Variants in HEXB observed in about 807,000 individuals in gnomAD.
The protein encoded by HEXB is hexosaminidase subunit beta.
HEXB carries 51 observed loss-of-function variants against 71.2 expected under a neutral mutation model. The observed-to-expected ratio is 0.72, with a 90% CI of 0.57 to 0.90. HEXB has a LOEUF of 0.90. Among genes scored for constraint, HEXB ranks in the 40% least tolerant of loss-of-function variants. The pLI, the probability that HEXB is intolerant of heterozygous loss-of-function variation, is 0.00. For synonymous variants in HEXB, 266 were observed against 249.3 expected, an observed-to-expected ratio of 1.07 and a Z score of -0.63; for missense variants, 617 against 677.0, an observed-to-expected ratio of 0.91 and a Z score of 0.98.
chr5:74,711,162 C>T (rs1411320490), intron 6 of HEXB, among the ~76,000 whole-genome samples: 5 of 151,052 alleles, frequency 3.3e-5, no homozygotes, highest in Admixed American at 6.6e-5. Flanking sequence ...TTTGACAAAC[C>T]TGAGAAAAAC....
At chr5:74,719,344 C>G (rs1236840170) in intron 11 of HEXB, among the ~76,000 whole-genome samples, 5 of 152,068 alleles carry the variant, frequency 3.3e-5, no homozygotes, top group African/African-American at 1.2e-4. Flanking sequence ...TGTAAGACAC[C>G]TAAGCAAAGC....
At chr5:74,662,387 C>A (rs899089669) in intron 1 of HEXB, among the ~76,000 whole-genome samples, 1 of 152,148 alleles carries the variant, frequency 6.6e-6, no homozygotes, top group Non-Finnish European at 1.5e-5. Context: ...CTGTGAGTGT[C>A]ATTTAAGCAA....
At chr5:74,662,351 C>G (rs1303243409) in intron 1 of HEXB, among the ~76,000 whole-genome samples, 1 of 152,190 alleles carries the variant, frequency 6.6e-6, no homozygotes, top group African/African-American at 2.4e-5. Context: ...TGAAATGCTT[C>G]TTTGCCCATT....
At chr5:74,675,161 A>G (rs1748608644) in intron 1 of HEXB, among the ~76,000 whole-genome samples, 2 of 152,188 alleles carry the variant, frequency 1.3e-5, no homozygotes, top group Non-Finnish European at 2.9e-5. Flanking sequence ...AGTGGATGGC[A>G]ATTTATTAAA....
chr5:74,677,025 T>A (rs943951622), intron 1 of HEXB, among the ~76,000 whole-genome samples: 6 of 151,972 alleles, frequency 3.9e-5, no homozygotes, highest in African/African-American at 1.4e-4. Flanking sequence ...TAACTGGGAT[T>A]ACAGGCGCCC....
intron 13 of HEXB, 131 bp from the exon 14 acceptor site, chr5:74,720,987 T>G: frequency 1.1e-6 from 1 of 886,136 alleles, no homozygotes; most frequent in Non-Finnish European, 1.8e-6. Flanking sequence ...TCTTCCCTTA[T>G]TTTCAGTAAT....
At chr5:74,658,424 G>A (rs984799941) in intron 1 of HEXB, among the ~76,000 whole-genome samples, 4 of 152,194 alleles carry the variant, frequency 2.6e-5, no homozygotes, top group African/African-American at 9.7e-5. Context: ...GTTTAGGGCA[G>A]GGCCTGGACC....
chr5:74,667,609 G>A (rs1473328770), intron 1 of HEXB, among the ~76,000 whole-genome samples: 1 of 152,154 alleles, frequency 6.6e-6, no homozygotes, highest in African/African-American at 2.4e-5. Flanking sequence ...AGAAGACAGG[G>A]TCAAGTGAAT....
At chr5:74,657,382 T>G (rs1442358217) in intron 1 of HEXB, among the ~76,000 whole-genome samples, 1 of 152,186 alleles carries the variant, frequency 6.6e-6, no homozygotes. Context: ...AGGTCTTTCC[T>G]TTCATTCAAC....
rs1177167157 is a variant in HEXB, at chr5:74,720,711, A to G, written c.1577A>G (p.Tyr526Cys). Residue 526 changes from tyrosine (Y) to cysteine (C), a missense_variant, in exon 13 of 14, where the codon TAT (tyrosine) becomes TGT (cysteine). Coordinates refer to ENST00000261416, the MANE Select transcript of HEXB (RefSeq NM_000521.4). Reference protein sequence around the residue: ...SKDVRDMDDAYDRLTRHRCRM... With the variant: ...SKDVRDMDDACDRLTRHRCRM... ...GATGTCAGAGATATGGATGACGCCT[A>G]TGACAGACTGACAAGGCACCGCTGC... The G allele has an allele frequency of 2.5e-6, 4 of 1,614,044 alleles. No homozygotes were observed. Among genetic ancestry groups the G allele is most frequent in the Non-Finnish European group, 3.4e-6 (4 of 1,179,970 alleles).
At chr5:74,712,938 A>G (rs11746069) in intron 6 of HEXB, among the ~76,000 whole-genome samples, 1 of 151,950 alleles carries the variant, frequency 6.6e-6, no homozygotes, top group Non-Finnish European at 1.5e-5. Context: ...AAAACAAGTC[A>G]CTTATTCTGG....
At chr5:74,697,480 C>T (rs529099962) in intron 5 of HEXB, among the ~76,000 whole-genome samples, 58 of 152,246 alleles carry the variant, frequency 3.8e-4, no homozygotes, top group Non-Finnish European at 7.9e-4. Flanking sequence ...AATCCCAACA[C>T]TTTGGGAGGC....
chr5:74,664,448 A>AAAACAAAAAAC (rs1748396474), intron 1 of HEXB, among the ~76,000 whole-genome samples: 1 of 126,540 alleles, frequency 7.9e-6, no homozygotes, highest in East Asian at 2.3e-4. Context: ...AAAAAAAAAA[A>AAAACAAAAAAC]AAAAACAGAG....
intron 11 of HEXB, chr5:74,719,954 A>AAAACAC: frequency 6.3e-6 from 1 of 158,038 alleles, no homozygotes; most frequent in Non-Finnish European, 1.4e-5. Flanking sequence ...AAAAAAAAAA[A>AAAACAC]ACACACACAT....
At chr5:74,718,260 T>G (rs1251802743) in intron 9 of HEXB, 31 bp from the exon 10 acceptor site, 4 of 1,330,108 alleles carry the variant, frequency 3.0e-6, no homozygotes, top group Non-Finnish European at 4.3e-6. Context: ...GCTTATGATC[T>G]AAAATAACTA....
chr5:74,703,569 A>G (rs561971465), intron 5 of HEXB, among the ~76,000 whole-genome samples: 4 of 152,306 alleles, frequency 2.6e-5, no homozygotes, highest in Admixed American at 1.3e-4. Context: ...GTGTATGTAT[A>G]CATTTGTATG....
chr5:74,718,606 G>A (rs1260668089), intron 10 of HEXB, among the ~76,000 whole-genome samples, 191 bp from the exon 11 acceptor site: 1 of 152,110 alleles, frequency 6.6e-6, no homozygotes, highest in East Asian at 1.9e-4. Flanking sequence ...CAAACCTAAG[G>A]TTGATGAAAC....
At chr5:74,645,233 G>A (rs1747981104) in intron 1 of HEXB, among the ~76,000 whole-genome samples, 2 of 150,266 alleles carry the variant, frequency 1.3e-5, no homozygotes, top group African/African-American at 4.9e-5. Flanking sequence ...GTGCTAAGTT[G>A]CCAGGCTGGA....
At chr5:74,697,445 C>G (rs914683936) in intron 5 of HEXB, among the ~76,000 whole-genome samples, 10 of 152,086 alleles carry the variant, frequency 6.6e-5, no homozygotes, top group African/African-American at 1.9e-4. Context: ...TACATGGCCA[C>G]CCAGGTGCGG....
Sources: gnomAD v4.1 joint callset for allele counts (sites outside exome capture counted in the v4.1 genomes callset) on GRCh38, gnomAD v4.1.1 for gene constraint, MANE v1.5 for transcripts, NCBI Gene and HGNC (gene_info 2026-07-23, HGNC 2026-07-21) for gene names.